IKZF3: variants seen among roughly 807,000 people sequenced by gnomAD.
IKZF3 encodes the protein IKAROS family zinc finger 3, also known as zinc finger protein Aiolos.
Under a neutral mutation model 49.0 loss-of-function variants are expected in IKZF3, and 10 were observed. The ratio of observed to expected loss-of-function variants is 0.20; its 90% CI spans 0.13 to 0.35. IKZF3 has a LOEUF of 0.35. Ranked by LOEUF, IKZF3 falls within the 10% of genes least tolerant of loss-of-function variation. The pLI is 1.00. For synonymous variants in IKZF3, 209 were observed against 228.2 expected (o/e 0.92, Z 0.76); for missense variants, 498 against 664.8 (o/e 0.75, Z 2.76).
chr17:39,854,738 T>C (rs572205255), intron 1 of IKZF3, among the ~76,000 whole-genome samples: 2 of 152,086 alleles, frequency 1.3e-5, no homozygotes, highest in Admixed American at 1.3e-4. Context: ...GGAGAGAAAA[T>C]TAGTTCATTT....
At position 39,766,438 on chromosome 17, in the gene IKZF3, T is replaced by C. The variant is rs16965328; in HGVS notation, c.882A>G (p.Lys294=). 2,274 of 1,614,050 alleles carry C rather than the reference T, an allele frequency of 1.4e-3. 25 individuals are homozygous for C. In the African/African-American group the frequency reaches 0.026, roughly 19 times the overall value. The change falls in exon 8 of 8, where the codon AAA becomes AAG. Residue 294 remains lysine, a synonymous_variant. Coordinates refer to ENST00000346872, the MANE Select transcript of IKZF3 (RefSeq NM_012481.5). ...VNYNSSYMYE[K]ESELIQTRMM... ...TGCGGGTCTGTATGAGCTCACTCTC[T>C]TTCTCATACATGTAACTTGAATTAT... is the stretch of plus-strand genomic sequence containing the variant.
At chr17:39,768,411 C>T (rs1172821458) in intron 7 of IKZF3, among the ~76,000 whole-genome samples, 2 of 152,156 alleles carry the variant, frequency 1.3e-5, no homozygotes, top group Non-Finnish European at 2.9e-5. Context: ...GTGCAGAAAG[C>T]GAGTCTGGCT....
In IKZF3 at chr17:39,858,874, C is replaced by A. The variant is rs1280593727; in HGVS notation, c.7+5246G>T. On this transcript the variant is annotated intron_variant, in intron 1 of 7. Transcript: ENST00000346872. The stretch of plus-strand genomic sequence containing the variant: ...GGAGTGCAGTGGCGTCATTACAGCC[C>A]ACTGAAGCCTCAAACTCCCAGGTCA... Among the ~76,000 whole-genome samples, 3 of 151,874 alleles carry A rather than the reference C, an allele frequency of 2.0e-5. No individual in the cohort carries two copies. In the East Asian group the frequency reaches 5.8e-4, roughly 29 times the overall value.
At chr17:39,813,128 TAA>T (rs2061600662) in intron 3 of IKZF3, among the ~76,000 whole-genome samples, 1 of 149,682 alleles carries the variant, frequency 6.7e-6, no homozygotes, top group South Asian at 2.1e-4. Context: ...AATAAATAAA[TAA>T]ATAAATAAAA....
chr17:39,822,857 T>C (rs1036393644), intron 3 of IKZF3, among the ~76,000 whole-genome samples: 3 of 152,090 alleles, frequency 2.0e-5, no homozygotes, highest in African/African-American at 7.2e-5. Context: ...GCTGGGATTA[T>C]AGGCATGAGC....
chr17:39,780,934 G>A (rs1193641835), intron 6 of IKZF3, among the ~76,000 whole-genome samples: 1 of 152,144 alleles, frequency 6.6e-6, no homozygotes, highest in Non-Finnish European at 1.5e-5. Flanking sequence ...ATAATTCTAG[G>A]CTCTAAAGGA....
chr17:39,822,671 C>T (rs573072575), intron 3 of IKZF3, among the ~76,000 whole-genome samples: 75 of 151,626 alleles, frequency 4.9e-4, no homozygotes, highest in African/African-American at 1.8e-3. Flanking sequence ...CAAGCTCCGC[C>T]TCCTGGATTC....
At chr17:39,836,504 T>C (rs2062287729) in intron 1 of IKZF3, among the ~76,000 whole-genome samples, 1 of 152,218 alleles carries the variant, frequency 6.6e-6, no homozygotes, top group African/African-American at 2.4e-5. Context: ...ATTCTGCAGT[T>C]CTCAAGTGTA....
chr17:39,842,483 A>C (rs1296349426), intron 1 of IKZF3, among the ~76,000 whole-genome samples: 1 of 152,188 alleles, frequency 6.6e-6, no homozygotes, highest in Non-Finnish European at 1.5e-5. Context: ...GCCAGAAAGC[A>C]AGGAAGTGCT....
chr17:39,849,708 CG>C (rs1288780474), intron 1 of IKZF3, among the ~76,000 whole-genome samples: 1 of 151,884 alleles, frequency 6.6e-6, no homozygotes, highest in Non-Finnish European at 1.5e-5. Context: ...AAACCTTAGA[CG>C]CTTCAGGAAA....
intron 1 of IKZF3, among the ~76,000 whole-genome samples, chr17:39,850,424 T>TAC (rs2062787380): frequency 7.5e-6 from 1 of 132,808 alleles, no homozygotes; most frequent in Admixed American, 8.1e-5. Flanking sequence ...TAGCATATTG[T>TAC]ATGTATATAT....
At position 39,777,810 on chromosome 17, in the gene IKZF3, TG is replaced by T. The variant is rs1242751355; in HGVS notation, c.710-44del. On this transcript the variant is annotated intron_variant, in intron 6 of 7. Coordinates refer to ENST00000346872, the MANE Select transcript of IKZF3 (RefSeq NM_012481.5). ...AAAAAGAAGAGAGAAAAGAACACAT[TG>T]GTACATGGGGAGAAAAGGAAATAAA... 2.5e-6 allele frequency: 4 copies of T among 1,596,770 alleles called. No individual in the cohort carries two copies. In the South Asian group the frequency reaches 3.4e-5, roughly 13 times the overall value.
chr17:39,768,636 T>C (rs2060356954), intron 7 of IKZF3, among the ~76,000 whole-genome samples: 1 of 152,202 alleles, frequency 6.6e-6, no homozygotes, highest in South Asian at 2.1e-4. Context: ...AAAGTGAAGA[T>C]AATTGTATGT....
intron 3 of IKZF3, among the ~76,000 whole-genome samples, chr17:39,827,288 C>T (rs1412599687): frequency 2.6e-5 from 4 of 151,786 alleles, no homozygotes; most frequent in East Asian, 3.9e-4. Context: ...TGAGTCACCA[C>T]GGCCGGCCTG....
chr17:39,770,641 A>G (rs1362632716), intron 7 of IKZF3, among the ~76,000 whole-genome samples: 5 of 151,740 alleles, frequency 3.3e-5, no homozygotes. Context: ...CCACCACCCT[A>G]ATATGTTTAC....
In IKZF3 at chr17:39,782,755, T is replaced by C. The variant is rs2060776282; in HGVS notation, c.710-4988A>G. On this transcript the variant is annotated intron_variant, in intron 6 of 7. Transcript: ENST00000346872. Reference sequence around the variant, plus strand: ...CTGCAAGTGGTGGGTGTGGGGAATATGGGATGGTGGCAAGGAACAATTTGC... The same window carrying C: ...CTGCAAGTGGTGGGTGTGGGGAATACGGGATGGTGGCAAGGAACAATTTGC... 3.9e-5 allele frequency among the ~76,000 whole-genome samples: 6 copies of C among 152,088 alleles called. No individual in the cohort carries two copies. In the South Asian group the frequency reaches 1.2e-3, roughly 32 times the overall value.
At chr17:39,860,497 A>C (rs2063186367) in intron 1 of IKZF3, among the ~76,000 whole-genome samples, 1 of 152,226 alleles carries the variant, frequency 6.6e-6, no homozygotes, top group Admixed American at 6.5e-5. Flanking sequence ...AAATCTGCTT[A>C]TGTAAATTTA....
At chr17:39,814,057 C>A (rs2061623560) in intron 3 of IKZF3, among the ~76,000 whole-genome samples, 1 of 152,074 alleles carries the variant, frequency 6.6e-6, no homozygotes, top group Non-Finnish European at 1.5e-5. Flanking sequence ...TCAGAAGCAT[C>A]AAAGTAGTTT....
Position 39,791,593 on chromosome 17 carries a change from G to T in IKZF3, c.425-10C>A, listed in dbSNP as rs761822929. ...TGGAATGGGCGTTCACCTTTAAAAA[G>T]GACAAAAAAGGAGATTTCTGGTCAC... On this transcript the variant is annotated splice_polypyrimidine_tract_variant and intron_variant, in intron 4 of 7. Transcript: ENST00000346872. The T allele has an allele frequency of 6.2e-7, 1 of 1,610,128 alleles. No individual in the cohort carries two copies. The highest frequency in any genetic ancestry group is 1.3e-5 in the African/African-American group (1 of 74,538).
Sources: allele counts gnomAD v4.1 joint callset (sites outside exome capture counted in the v4.1 genomes callset), GRCh38; gene constraint gnomAD v4.1.1; transcripts MANE v1.5; gene names NCBI Gene and HGNC (gene_info 2026-07-23, HGNC 2026-07-21).